The following CHST9 variants were observed in gnomAD, a reference collection of about 807,000 sequenced individuals.
The protein encoded by CHST9 is carbohydrate sulfotransferase 9, also known as GalNAc-4-sulfotransferase 2.
In CHST9, 41 loss-of-function variants were observed where a neutral mutation model predicts 44.4. That is an observed-to-expected ratio of 0.92 (90% confidence interval 0.72 to 1.20). CHST9 has a LOEUF of 1.20. Ranked by LOEUF, CHST9 falls within the 50% of genes most tolerant of loss-of-function variation. The pLI is 0.00. For missense variants in CHST9, 504 were observed against 516.5 expected (o/e 0.98, Z 0.23); for synonymous variants, 171 against 178.4 (o/e 0.96, Z 0.33).
chr18:26,938,934 G>A (rs1156783861), intron 5 of CHST9, among the ~76,000 whole-genome samples: 1 of 152,122 alleles, frequency 6.6e-6, no homozygotes, highest in Non-Finnish European at 1.5e-5. Flanking sequence ...CGGTGTATAG[G>A]GAGTAGACTC....
intron 3 of CHST9, among the ~76,000 whole-genome samples, chr18:27,030,809 C>T (rs1376612518): frequency 6.6e-6 from 1 of 152,208 alleles, no homozygotes; most frequent in African/African-American, 2.4e-5. Flanking sequence ...CCTGATTCTT[C>T]AGCGATCTCA....
intron 2 of CHST9, among the ~76,000 whole-genome samples, chr18:27,089,911 C>T (rs923568296): frequency 2.3e-4 from 34 of 150,700 alleles, no homozygotes; most frequent in Admixed American, 1.1e-3. Context: ...CCCAGGTTCA[C>T]GCCGTTCTCC....
At position 27,159,709 on chromosome 18, in the gene CHST9, T is replaced by G. The variant is rs1281749667; in HGVS notation, c.-96-16804A>C. ...ATAAATTACCTTGGGCAGTATGGCC[T>G]TCTTCACGATATTGAGTCTTCCTAC... On this transcript the variant is annotated intron_variant, in intron 1 of 5. Coordinates refer to ENST00000618847, the MANE Select transcript of CHST9 (RefSeq NM_031422.6). Among the ~76,000 whole-genome samples, 3 of 152,100 alleles carry G rather than the reference T, an allele frequency of 2.0e-5. No homozygotes were observed. In the East Asian group the frequency reaches 5.8e-4, roughly 29 times the overall value.
At chr18:27,056,619 A>G (rs2057659520) in intron 2 of CHST9, among the ~76,000 whole-genome samples, 2 of 152,204 alleles carry the variant, frequency 1.3e-5, no homozygotes, top group Non-Finnish European at 2.9e-5. Flanking sequence ...AGTGCATAAC[A>G]CAACAATATT....
chr18:27,095,337 C>T (rs978370803), intron 2 of CHST9, among the ~76,000 whole-genome samples: 2 of 152,120 alleles, frequency 1.3e-5, no homozygotes, highest in Admixed American at 6.6e-5. Flanking sequence ...CGTAAAGACA[C>T]ACTTAAGTAT....
chr18:26,983,698 G>A (rs978561443), intron 4 of CHST9, among the ~76,000 whole-genome samples: 1 of 152,064 alleles, frequency 6.6e-6, no homozygotes, highest in Non-Finnish European at 1.5e-5. Context: ...TCTTTGGAAG[G>A]GGACAAGAAT....
chr18:26,994,536 T>G (rs1395461654), intron 4 of CHST9, among the ~76,000 whole-genome samples: 5 of 152,204 alleles, frequency 3.3e-5, no homozygotes, highest in African/African-American at 1.2e-4. Flanking sequence ...GCACCTCCTG[T>G]TCTTCATGCC....
At chr18:26,931,720 G>A (rs772344713) in intron 5 of CHST9, among the ~76,000 whole-genome samples, 10 of 152,242 alleles carry the variant, frequency 6.6e-5, no homozygotes, top group Non-Finnish European at 1.3e-4. Flanking sequence ...GCTGGAGGGA[G>A]AGGCTGTGTG....
At chr18:26,966,237 A>G (rs1391135082) in intron 4 of CHST9, among the ~76,000 whole-genome samples, 1 of 152,240 alleles carries the variant, frequency 6.6e-6, no homozygotes, top group Non-Finnish European at 1.5e-5. Flanking sequence ...TATGCTTTAT[A>G]TGACAGCTCT....
intron 2 of CHST9, among the ~76,000 whole-genome samples, chr18:27,097,654 G>A (rs1293489391): frequency 1.3e-5 from 2 of 152,018 alleles, no homozygotes; most frequent in African/African-American, 4.8e-5. Flanking sequence ...TGAAGTCTTT[G>A]CCCATGCCTA....
chr18:26,981,706 A>G lies in CHST9; in HGVS notation c.203-37340T>C, dbSNP rs914699725. On this transcript the variant is annotated intron_variant, in intron 4 of 5. Coordinates refer to ENST00000618847, the MANE Select transcript of CHST9 (RefSeq NM_031422.6). ...TTTGTAGTTAACAAAGACTTCCATT[A>G]CATAAACTTGCACATCCAGTAGAAG... 2.0e-5 allele frequency among the ~76,000 whole-genome samples: 3 copies of G among 152,316 alleles called. 1 individual carries two copies. Among genetic ancestry groups the G allele is most frequent in the Middle Eastern group, 6.8e-3 (2 of 294 alleles).
At chr18:27,035,833 A>G (rs971980879) in intron 3 of CHST9, among the ~76,000 whole-genome samples, 9 of 152,160 alleles carry the variant, frequency 5.9e-5, no homozygotes, top group African/African-American at 1.9e-4. Flanking sequence ...ACCACACTGT[A>G]TTGTAAAATT....
Position 27,173,201 on chromosome 18 carries a change from C to G in CHST9, c.-97+11935G>C, listed in dbSNP as rs1449849940. On this transcript the variant is annotated intron_variant, in intron 1 of 5. Transcript: ENST00000618847. Reference sequence around the variant, plus strand: ...TTGTTGACTAAATCGAGAGCTTTGTCTTTTGATAATTGTATACCTGTGTTA... The same window carrying G: ...TTGTTGACTAAATCGAGAGCTTTGTGTTTTGATAATTGTATACCTGTGTTA... 2.0e-5 allele frequency among the ~76,000 whole-genome samples: 3 copies of G among 151,994 alleles called. No individual in the cohort carries two copies. The East Asian group carries it at 5.8e-4, about 29-fold the overall frequency.
At chr18:27,114,317 T>C (rs925135021) in intron 2 of CHST9, among the ~76,000 whole-genome samples, 2 of 152,234 alleles carry the variant, frequency 1.3e-5, no homozygotes, top group Admixed American at 1.3e-4. Flanking sequence ...GAGATGGTTG[T>C]CTGTCCTATT....
rs755875944 is a variant in CHST9 at position 26,944,310 on chromosome 18, A to G, written c.240+19T>C. 30 of 1,590,914 alleles carry G rather than the reference A, an allele frequency of 1.9e-5. 2 individuals are homozygous for G. The South Asian group carries it at 3.1e-4, about 16-fold the overall frequency. ...GAAACAAAATTCTATATTAGAGTTT[A>G]CGAGAAATGAGAGAATACCTGGTTG... On this transcript the variant is annotated intron_variant, in intron 5 of 5. Transcript: ENST00000618847.
At chr18:27,099,307 G>T (rs2058147894) in intron 2 of CHST9, among the ~76,000 whole-genome samples, 1 of 152,082 alleles carries the variant, frequency 6.6e-6, no homozygotes. Flanking sequence ...GTCCTCAAAA[G>T]TAGTTGCAAC....
chr18:26,942,638 G>A (rs2056100927), intron 5 of CHST9, among the ~76,000 whole-genome samples: 1 of 152,144 alleles, frequency 6.6e-6, no homozygotes, highest in Admixed American at 6.5e-5. Context: ...AGGTTGTTAA[G>A]TTAATAAGGG....
chr18:27,006,888 G>A (rs1200791529), intron 4 of CHST9, among the ~76,000 whole-genome samples: 3 of 152,178 alleles, frequency 2.0e-5, no homozygotes, highest in Admixed American at 2.0e-4. Context: ...ATCCTGTCAT[G>A]GCAATATCAA....
chr18:27,142,867 C>G lies in CHST9; in HGVS notation c.-58G>C. ...ATTTGTTTTCCCGTAAAACTTCAGT[C>G]TTTTCTTGTTCTCTAAGAGCCCAAT... On this transcript the variant is annotated 5_prime_UTR_variant, in exon 2 of 6. Transcript: ENST00000618847. 6.5e-7 allele frequency: 1 copy of G among 1,533,370 alleles called. No homozygotes were observed. The highest frequency in any genetic ancestry group is 1.4e-5 in the African/African-American group (1 of 72,182). 95.0% of individuals were successfully genotyped at this position (1,533,370 alleles called of 1,614,324 possible). A position where few individuals can be genotyped will look rare whatever the true frequency, so the allele number is the denominator to read the frequency against.
Sources: gnomAD v4.1 joint callset for allele counts (sites outside exome capture counted in the v4.1 genomes callset) on GRCh38, gnomAD v4.1.1 for gene constraint, MANE v1.5 for transcripts, NCBI Gene and HGNC (gene_info 2026-07-23, HGNC 2026-07-21) for gene names.